PRKCA: variants seen among roughly 807,000 people sequenced by gnomAD.
PRKCA encodes the protein protein kinase C alpha type.
A neutral mutation model predicts 87.0 loss-of-function variants in PRKCA; 27 were observed. The ratio of observed to expected loss-of-function variants is 0.31; its 90% confidence interval spans 0.23 to 0.43. The LOEUF (loss-of-function observed/expected upper bound fraction) is 0.43. PRKCA is among the 20% of genes least tolerant of loss of function. PRKCA has a pLI of 1.00. For missense variants in PRKCA, 518 were observed against 852.3 expected (o/e 0.61, Z 4.88); for synonymous variants, 329 against 311.1 (o/e 1.06, Z -0.61).
chr17:66,773,257 T>C (rs970632176), intron 13 of PRKCA, among the ~76,000 whole-genome samples: 1 of 152,246 alleles, frequency 6.6e-6, no homozygotes, highest in African/African-American at 2.4e-5. Flanking sequence ...ATTTTCTTTG[T>C]TGCAGTTGGC....
At chr17:66,757,571 GAAA>G (rs35540620) in intron 13 of PRKCA, among the ~76,000 whole-genome samples, 16,745 of 116,930 alleles carry the variant, frequency 0.14, 1,064 homozygotes, top group African/African-American at 0.2. Flanking sequence ...GCTTTGGGAG[GAAA>G]AAAAAAAAAA....
chr17:66,720,869 T>G (rs1386029929), intron 8 of PRKCA, among the ~76,000 whole-genome samples: 1 of 152,196 alleles, frequency 6.6e-6, no homozygotes, highest in African/African-American at 2.4e-5. Flanking sequence ...CAACTGTCTT[T>G]GATAAGTATA....
chr17:66,752,115 C>T (rs558902907), intron 13 of PRKCA, among the ~76,000 whole-genome samples: 18 of 152,290 alleles, frequency 1.2e-4, no homozygotes, highest in African/African-American at 4.1e-4. Context: ...CTTGGGGTGA[C>T]ATCTGTATAA....
At chr17:66,361,462 C>T (rs1273841391) in intron 2 of PRKCA, among the ~76,000 whole-genome samples, 1 of 151,988 alleles carries the variant, frequency 6.6e-6, no homozygotes, top group Non-Finnish European at 1.5e-5. Context: ...CAGGCACCCG[C>T]CACCACGCCT....
chr17:66,614,159 A>T (rs1436112414), intron 3 of PRKCA, among the ~76,000 whole-genome samples: 4 of 152,102 alleles, frequency 2.6e-5, no homozygotes, highest in African/African-American at 7.2e-5. Flanking sequence ...ACTCTCTCCG[A>T]TTCCAGCTGG....
At chr17:66,492,329 C>T (rs977702604) in intron 2 of PRKCA, among the ~76,000 whole-genome samples, 1 of 152,192 alleles carries the variant, frequency 6.6e-6, no homozygotes, top group African/African-American at 2.4e-5. Flanking sequence ...CTTAGGATAA[C>T]ATTCGGCATG....
chr17:66,669,888 C>T (rs1343069897), intron 5 of PRKCA, among the ~76,000 whole-genome samples: 4 of 152,078 alleles, frequency 2.6e-5, no homozygotes, highest in South Asian at 2.1e-4. Context: ...GGTGACAGAG[C>T]GAGACTCTGT....
chr17:66,327,026 A>G (rs148963618), intron 2 of PRKCA, among the ~76,000 whole-genome samples: 1 of 152,068 alleles, frequency 6.6e-6, no homozygotes, highest in Non-Finnish European at 1.5e-5. Flanking sequence ...CTATGATCAT[A>G]CCACTGCACT....
intron 2 of PRKCA, among the ~76,000 whole-genome samples, chr17:66,470,907 T>G (rs530725242): frequency 6.6e-6 from 1 of 152,286 alleles, no homozygotes; most frequent in African/African-American, 2.4e-5. Context: ...AGAGTGTGTA[T>G]AATTAGAAAG....
Position 66,742,768 on chromosome 17 carries a change from C to T in PRKCA, c.1524+8C>T. 1.9e-6 allele frequency: 3 copies of T among 1,612,456 alleles called. No individual in the cohort carries two copies. The highest frequency in any genetic ancestry group is 2.5e-6 in the Non-Finnish European group (3 of 1,179,670). The stretch of plus-strand genomic sequence containing the variant: ...GATTATATCGCCCCAGAGGTAGGAA[C>T]CCCAGTGATCGTTTTCTCAACCAGG... On this transcript the variant is annotated splice_region_variant and intron_variant, in intron 13 of 16. Transcript: ENST00000413366.
chr17:66,688,605 C>A (rs771557203), intron 7 of PRKCA, among the ~76,000 whole-genome samples, 169 bp downstream of exon 7: 7 of 152,000 alleles, frequency 4.6e-5, no homozygotes, highest in Admixed American at 1.3e-4. Context: ...AGGTTTGAGA[C>A]CAGCCTGGGC....
intron 3 of PRKCA, among the ~76,000 whole-genome samples, chr17:66,615,470 T>C (rs577374741): frequency 4.6e-4 from 70 of 152,298 alleles, no homozygotes; most frequent in African/African-American, 1.6e-3. Context: ...TCTAGGGTTC[T>C]AAACATCCTG....
intron 3 of PRKCA, among the ~76,000 whole-genome samples, chr17:66,588,509 T>C (rs1969689316): frequency 6.6e-6 from 1 of 151,970 alleles, no homozygotes. Flanking sequence ...TGTAAAAGGG[T>C]CTATTTGTTC....
rs1487820199 is a variant in PRKCA at position 66,534,717 on chromosome 17, C to A, written c.288+38434C>A. On this transcript the variant is annotated intron_variant, in intron 3 of 16. Coordinates refer to ENST00000413366, the MANE Select transcript of PRKCA (RefSeq NM_002737.3). ...AAGTTGATCTTTCTGAATGTTGGGG[C>A]CCAATGTATTTGAGTAATAAACTTG... Among the ~76,000 whole-genome samples the A allele has an allele frequency of 2.0e-5, 3 of 152,010 alleles. No homozygotes were observed. The East Asian group carries it at 5.8e-4, about 29-fold the overall frequency.
intron 2 of PRKCA, among the ~76,000 whole-genome samples, chr17:66,461,229 G>GAA (rs1914842926): frequency 7.2e-6 from 1 of 138,496 alleles, no homozygotes; most frequent in East Asian, 2.1e-4. Context: ...AAAAAGAAAA[G>GAA]AAAATCACAT....
intron 5 of PRKCA, among the ~76,000 whole-genome samples, chr17:66,679,367 G>A (rs1473219758): frequency 6.6e-6 from 1 of 152,014 alleles, no homozygotes; most frequent in East Asian, 1.9e-4. Flanking sequence ...ATTTTTAGTG[G>A]AGATGGGGTT....
intron 2 of PRKCA, among the ~76,000 whole-genome samples, chr17:66,449,667 A>G (rs2143914239): frequency 6.6e-6 from 1 of 152,304 alleles, no homozygotes; most frequent in Non-Finnish European, 1.5e-5. Flanking sequence ...CCAAACATCA[A>G]GTGTTCAAGT....
At chr17:66,455,635 G>A (rs1914546762) in intron 2 of PRKCA, among the ~76,000 whole-genome samples, 1 of 152,176 alleles carries the variant, frequency 6.6e-6, no homozygotes, top group African/African-American at 2.4e-5. Flanking sequence ...TGGAGAAAAG[G>A]CCCTGCTGTG....
At chr17:66,680,987 G>C (rs1191108341) in intron 5 of PRKCA, among the ~76,000 whole-genome samples, 8 of 152,198 alleles carry the variant, frequency 5.3e-5, no homozygotes, top group African/African-American at 1.9e-4. Context: ...CGAGCACTTT[G>C]GGAGGCCAAG....
Sources: allele counts gnomAD v4.1 joint callset (sites outside exome capture counted in the v4.1 genomes callset), GRCh38; gene constraint gnomAD v4.1.1; transcripts MANE v1.5; gene names NCBI Gene and HGNC (gene_info 2026-07-23, HGNC 2026-07-21).